The following ABAT variants were observed in gnomAD, a reference collection of about 807,000 sequenced individuals.
The protein encoded by ABAT is 4-aminobutyrate aminotransferase, mitochondrial.
Under a neutral mutation model 64.6 loss-of-function variants are expected in ABAT, and 45 were observed. The observed-to-expected ratio is 0.70, with a 90% CI of 0.55 to 0.89. The LOEUF is 0.89. Among genes scored for constraint, ABAT ranks in the 40% least tolerant of loss-of-function variants. The pLI is 0.00. For synonymous variants in ABAT, 297 were observed against 250.5 expected (o/e 1.19, Z -1.75); for missense variants, 633 against 658.4 (o/e 0.96, Z 0.42).
chr16:8,707,978 C>T (rs2057986192), intron 1 of ABAT, among the ~76,000 whole-genome samples: 2 of 152,184 alleles, frequency 1.3e-5, no homozygotes, highest in Non-Finnish European at 2.9e-5. Context: ...CTAGTACTTG[C>T]ATGTCATGAT....
At chr16:8,761,147 G>A (rs1027388401) in intron 6 of ABAT, among the ~76,000 whole-genome samples, 40 of 152,032 alleles carry the variant, frequency 2.6e-4, no homozygotes, top group Admixed American at 2.0e-4. Context: ...TTCAGGGACA[G>A]TACTACCCTG....
intron 1 of ABAT, among the ~76,000 whole-genome samples, chr16:8,695,810 T>C (rs1424182735): frequency 6.6e-6 from 1 of 151,966 alleles, no homozygotes; most frequent in African/African-American, 2.4e-5. Context: ...CTGAACAGAG[T>C]GGTTTGACTC....
At chr16:8,744,315 G>T (rs910878470) in intron 2 of ABAT, among the ~76,000 whole-genome samples, 3 of 152,042 alleles carry the variant, frequency 2.0e-5, no homozygotes, top group African/African-American at 7.2e-5. Flanking sequence ...AAGGGCAAGC[G>T]AGGTGCCTCA....
intron 10 of ABAT, 62 bp from the exon 11 acceptor site, chr16:8,768,763 C>T: frequency 6.2e-7 from 1 of 1,611,110 alleles, no homozygotes. Flanking sequence ...ATCTCCTTTA[C>T]AAAGACGGTA....
chr16:8,755,166 G>GGCGCC (rs2059615254), intron 5 of ABAT, among the ~76,000 whole-genome samples: 1 of 152,016 alleles, frequency 6.6e-6, no homozygotes, highest in Non-Finnish European at 1.5e-5. Flanking sequence ...CTGAGGCATG[G>GGCGCC]TGTCAAGTCC....
At chr16:8,685,246 A>G (rs916530347) in intron 1 of ABAT, among the ~76,000 whole-genome samples, 2 of 152,088 alleles carry the variant, frequency 1.3e-5, no homozygotes, top group Non-Finnish European at 2.9e-5. Context: ...GGATCACGCC[A>G]TTGCACTCCA....
chr16:8,781,890 A>G lies in ABAT; in HGVS notation c.*460A>G. 1 of 296,926 alleles carries G rather than the reference A, an allele frequency of 3.4e-6. No homozygotes were observed. The highest frequency in any genetic ancestry group is 6.6e-6 in the Non-Finnish European group (1 of 152,354). The allele number at this position is 296,926 out of a possible 1,614,324, so 18.4% of individuals were successfully genotyped here. A position where few individuals can be genotyped will look rare whatever the true frequency, so the allele number is the denominator to read the frequency against. On this transcript the variant is annotated 3_prime_UTR_variant, in exon 16 of 16. Coordinates refer to ENST00000268251, the MANE Select transcript of ABAT (RefSeq NM_020686.6). The surrounding 1 kb of genome is among the most constrained non-coding windows in gnomAD (Gnocchi z 4.5). ...GCCCTATGCAAGCAAACACACTCTCACCTCCTCTCCCAGCCTCCCGGAGCT... is the reference window on the plus strand; with the variant it reads ...GCCCTATGCAAGCAAACACACTCTCGCCTCCTCTCCCAGCCTCCCGGAGCT...
intron 2 of ABAT, among the ~76,000 whole-genome samples, chr16:8,740,377 G>T (rs1408151200): frequency 1.3e-5 from 2 of 152,204 alleles, no homozygotes; most frequent in Admixed American, 6.5e-5. Context: ...TGGGGCTGTG[G>T]TCTCATATGA....
intron 1 of ABAT, among the ~76,000 whole-genome samples, chr16:8,698,122 G>T (rs1361909720): frequency 4.6e-5 from 7 of 152,144 alleles, no homozygotes; most frequent in Admixed American, 1.3e-4. Flanking sequence ...AGTTCTAGAG[G>T]CCAGAAGTCC....
chr16:8,689,289 G>A (rs1367715144), intron 1 of ABAT, among the ~76,000 whole-genome samples: 1 of 152,076 alleles, frequency 6.6e-6, no homozygotes, highest in Non-Finnish European at 1.5e-5. Context: ...AAAATCAAGT[G>A]TCCATATATG....
intron 1 of ABAT, among the ~76,000 whole-genome samples, chr16:8,727,303 C>A (rs2058587548): frequency 6.6e-6 from 1 of 152,158 alleles, no homozygotes; most frequent in Non-Finnish European, 1.5e-5. Flanking sequence ...CAGATGACCG[C>A]ACCTTCACCT....
At chr16:8,694,247 G>A (rs1046157381) in intron 1 of ABAT, among the ~76,000 whole-genome samples, 11 of 150,050 alleles carry the variant, frequency 7.3e-5, no homozygotes, top group African/African-American at 2.7e-4. Context: ...TAGCCAGAAT[G>A]GTCTCGATCT....
intron 1 of ABAT, among the ~76,000 whole-genome samples, chr16:8,684,824 G>A (rs1235942168): frequency 1.3e-5 from 2 of 151,840 alleles, no homozygotes; most frequent in African/African-American, 2.4e-5. Flanking sequence ...GAACCAGGCA[G>A]ACATTAGAAC....
At chr16:8,675,525 T>G (rs1394137132) in intron 1 of ABAT, among the ~76,000 whole-genome samples, 1 of 151,742 alleles carries the variant, frequency 6.6e-6, no homozygotes, top group African/African-American at 2.4e-5. Flanking sequence ...ATCCCATCCT[T>G]CTCCACCTCA....
chr16:8,705,217 A>G (rs1265629506), intron 1 of ABAT, among the ~76,000 whole-genome samples: 1 of 152,204 alleles, frequency 6.6e-6, no homozygotes, highest in African/African-American at 2.4e-5. Flanking sequence ...CAATCATGGC[A>G]GAAAGTGAAG....
At chr16:8,701,600 T>C (rs1021340737) in intron 1 of ABAT, among the ~76,000 whole-genome samples, 2 of 152,344 alleles carry the variant, frequency 1.3e-5, no homozygotes, top group Admixed American at 6.5e-5. Flanking sequence ...AAAATACTGA[T>C]GGTTACTGCA....
At chr16:8,780,799 CAAGGA>C (rs1388826812) in intron 15 of ABAT, 1 of 172,810 alleles carries the variant, frequency 5.8e-6, no homozygotes, top group African/African-American at 3.1e-5. Context: ...ACAACCTCGA[CAAGGA>C]AAGGACACCA....
intron 5 of ABAT, among the ~76,000 whole-genome samples, chr16:8,752,551 G>T (rs973632881): frequency 7.9e-5 from 12 of 152,182 alleles, no homozygotes; most frequent in African/African-American, 2.9e-4. Flanking sequence ...TTGAGGCCAG[G>T]AGTTTAAGAC....
intron 1 of ABAT, among the ~76,000 whole-genome samples, chr16:8,676,098 G>C (rs773231347): frequency 6.6e-6 from 1 of 152,164 alleles, no homozygotes; most frequent in Non-Finnish European, 1.5e-5. Flanking sequence ...GCAGGAGAGA[G>C]GGAGGCAGTG....
Sources: gnomAD v4.1 joint callset for allele counts (sites outside exome capture counted in the v4.1 genomes callset) on GRCh38, gnomAD v4.1.1 for gene constraint, Gnocchi (gnomAD v3.1) non-coding constraint, MANE v1.5 for transcripts, NCBI Gene and HGNC (gene_info 2026-07-23, HGNC 2026-07-21) for gene names.